The following FAN1 variants were observed in gnomAD, a reference collection of about 807,000 sequenced individuals.
The protein encoded by FAN1 is fanconi-associated nuclease 1.
Under a neutral mutation model 104.9 loss-of-function variants are expected in FAN1, and 91 were observed. The observed-to-expected ratio is 0.87, with a 90% confidence interval of 0.73 to 1.03. The LOEUF is 1.03. FAN1 is among the 50% of genes least tolerant of loss of function. FAN1 has a pLI of 0.00. For missense variants in FAN1, 1,263 were observed against 1,239.9 expected, an observed-to-expected ratio of 1.02 and a Z score of -0.28; for synonymous variants, 478 against 457.6, an observed-to-expected ratio of 1.04 and a Z score of -0.57.
In FAN1 at chr15:30,928,539, T is replaced by A. The variant is rs2062528680; in HGVS notation, c.2489-14T>A. On this transcript the variant is annotated splice_polypyrimidine_tract_variant and intron_variant, in intron 10 of 14. Coordinates refer to ENST00000362065, the MANE Select transcript of FAN1 (RefSeq NM_014967.5). ...GTGTGTGTGTGTGTGTGTGTGTGTGTGACCTTGTCTTAGGGATTCATGGCG... is the reference window on the plus strand; with the variant it reads ...GTGTGTGTGTGTGTGTGTGTGTGTGAGACCTTGTCTTAGGGATTCATGGCG... The A allele has an allele frequency of 1.9e-6, 3 of 1,611,208 alleles. No individual in the cohort carries two copies. The highest frequency in any genetic ancestry group is 1.7e-6 in the Non-Finnish European group (2 of 1,178,156).
At chr15:30,941,099 A>G in intron 14 of FAN1, 1 of 1,232,280 alleles carries the variant, frequency 8.1e-7, no homozygotes, top group South Asian at 1.4e-5. Flanking sequence ...AAATGACACG[A>G]AACACAAATT....
At chr15:30,928,452 T>C in intron 10 of FAN1, 101 bp from the exon 11 acceptor site, 1 of 1,521,318 alleles carries the variant, frequency 6.6e-7, no homozygotes, top group African/African-American at 1.4e-5. Flanking sequence ...TTTCTTGAAA[T>C]TGAGTGTGCA....
intron 12 of FAN1, 100 bp downstream of exon 12, chr15:30,929,497 T>C: frequency 2.8e-6 from 2 of 713,088 alleles, no homozygotes; most frequent in Non-Finnish European, 4.6e-6. Flanking sequence ...TGTGTATATG[T>C]AAATACATGT....
rs2062306381 is a variant in FAN1, at chr15:30,920,646, T to C, written c.2045T>C (p.Met682Thr). The C allele has an allele frequency of 1.3e-6, 2 of 1,597,226 alleles. No individual in the cohort carries two copies. The highest frequency in any genetic ancestry group is 1.7e-6 in the Non-Finnish European group (2 of 1,166,278). Residue 682 changes from methionine (M) to threonine (T), a missense_variant, in exon 7 of 15, where the codon ATG becomes ACG. Transcript: ENST00000362065. ...GTGGAAATACTGCAGAGACTTCACA[T>C]GTATGAGGTTAGAGCACAGGTCCCT... is the stretch of plus-strand genomic sequence containing the variant. ...RFVEILQRLH[M>T]YEEAVRELES...
At chr15:30,929,870 T>A (rs1467260839) in intron 12 of FAN1, among the ~76,000 whole-genome samples, 1 of 92,162 alleles carries the variant, frequency 1.1e-5, no homozygotes, top group Non-Finnish European at 1.9e-5. Flanking sequence ...ATAATATATA[T>A]AAAATATATA....
rs1320119560 is a variant in FAN1 at position 30,941,650 on chromosome 15, G to A, written c.*88G>A. 6.2e-7 allele frequency: 1 copy of A among 1,611,808 alleles called. No individual in the cohort carries two copies. Among genetic ancestry groups the A allele is most frequent in the Non-Finnish European group, 8.5e-7 (1 of 1,179,014 alleles). On this transcript the variant is annotated 3_prime_UTR_variant, in exon 15 of 15. Coordinates refer to ENST00000362065, the MANE Select transcript of FAN1 (RefSeq NM_014967.5). The stretch of plus-strand genomic sequence containing the variant: ...CGGTGTGGTGAGGGCCGCTGGCGTT[G>A]AAGTACATCCTGCTCTGGCCCAGCT...
intron 2 of FAN1, among the ~76,000 whole-genome samples, chr15:30,906,999 C>T (rs992307874): frequency 2.0e-5 from 3 of 151,460 alleles, no homozygotes; most frequent in Admixed American, 1.3e-4. Flanking sequence ...ATGCATGTGT[C>T]TTGCACTCCA....
At chr15:30,919,990 G>T (rs2062286334) in intron 6 of FAN1, among the ~76,000 whole-genome samples, 1 of 152,156 alleles carries the variant, frequency 6.6e-6, no homozygotes, top group African/African-American at 2.4e-5. Flanking sequence ...ATAAACAGAG[G>T]TTGATAAACT....
rs1279777654 is a variant in FAN1 at position 30,916,697 on chromosome 15, C to T, written c.1812-1467C>T. ...CCTTTTAAAATGTTTCTTATTCATT[C>T]AGTACAAATGAGTGTTGAGTACCTT... On this transcript the variant is annotated intron_variant, in intron 5 of 14. Transcript: ENST00000362065. Among the ~76,000 whole-genome samples the T allele has an allele frequency of 2.0e-5, 3 of 152,242 alleles. No homozygotes were observed. The East Asian group carries it at 5.8e-4, about 29-fold the overall frequency.
chr15:30,942,884 A>G lies in FAN1; in HGVS notation c.*1322A>G. 1 of 1,557,288 alleles carries G rather than the reference A, an allele frequency of 6.4e-7. No individual in the cohort carries two copies. Among genetic ancestry groups the G allele is most frequent in the Non-Finnish European group, 8.7e-7 (1 of 1,149,456 alleles). On this transcript the variant is annotated 3_prime_UTR_variant, in exon 15 of 15. Coordinates refer to ENST00000362065, the MANE Select transcript of FAN1 (RefSeq NM_014967.5). ...CCAACATCACGTTTTGTTAGCTGTGATTTACCTTTGTCCGTTTAAAAGACT... is the reference window on the plus strand; with the variant it reads ...CCAACATCACGTTTTGTTAGCTGTGGTTTACCTTTGTCCGTTTAAAAGACT...
intron 14 of FAN1, 88 bp from the exon 15 acceptor site, chr15:30,941,478 C>T (rs1566941991): frequency 1.2e-6 from 2 of 1,603,766 alleles, no homozygotes; most frequent in Admixed American, 1.7e-5. Context: ...TTTTAGTCTT[C>T]ATTTGCTAAT....
chr15:30,943,104 C>A lies in FAN1; in HGVS notation c.*1542C>A. 6.6e-7 allele frequency: 1 copy of A among 1,524,986 alleles called. No individual in the cohort carries two copies. The highest frequency in any genetic ancestry group is 8.8e-7 in the Non-Finnish European group (1 of 1,135,716). 94.5% of individuals were successfully genotyped at this position (1,524,986 alleles called of 1,614,324 possible). A position where few individuals can be genotyped will look rare whatever the true frequency, so the allele number is the denominator to read the frequency against. On this transcript the variant is annotated 3_prime_UTR_variant, in exon 15 of 15. Transcript: ENST00000362065. Reference sequence around the variant, plus strand: ...AATAAATAAATAAATATTTGCAAAACTAAAGATTCTCTCATGAATGCCTTT... The same window carrying A: ...AATAAATAAATAAATATTTGCAAAAATAAAGATTCTCTCATGAATGCCTTT...
In FAN1 at chr15:30,943,077, A is replaced by G; in HGVS notation, c.*1515A>G. 1 of 1,524,668 alleles carries G rather than the reference A, an allele frequency of 6.6e-7. No homozygotes were observed. The highest frequency in any genetic ancestry group is 8.8e-7 in the Non-Finnish European group (1 of 1,139,414). The allele number at this position is 1,524,668 out of a possible 1,614,324, so 94.4% of individuals were successfully genotyped here. ...GTTTTTGCTTATAGCAAATTCCTGC[A>G]AAATAAATAAATAAATATTTGCAAA... On this transcript the variant is annotated 3_prime_UTR_variant, in exon 15 of 15. Transcript: ENST00000362065.
At chr15:30,904,432 T>C (rs1176503189) in intron 1 of FAN1, 80 bp from the exon 2 acceptor site, 5 of 610,664 alleles carry the variant, frequency 8.2e-6, no homozygotes, top group Non-Finnish European at 1.4e-5. Context: ...GAGACCTTGC[T>C]CTTAAACGTT....
intron 4 of FAN1, chr15:30,911,453 T>C: frequency 1.0e-6 from 1 of 983,414 alleles, no homozygotes; most frequent in Non-Finnish European, 1.2e-6. Context: ...ATATTTGTTT[T>C]GTATATTTCA....
chr15:30,904,694 A>G lies in FAN1; in HGVS notation c.31A>G (p.Lys11Glu). 6.2e-7 allele frequency: 1 copy of G among 1,605,376 alleles called. No homozygotes were observed. Among genetic ancestry groups the G allele is most frequent in the Non-Finnish European group, 8.5e-7 (1 of 1,175,848 alleles). MMSEGKPPDK[K>E]RPRRSLSISK... ...GTCAGAAGGGAAACCTCCTGACAAA[A>G]AAAGGCCTCGTAGAAGCTTATCAAT... The change falls in exon 2 of 15, where the codon AAA (lysine) becomes GAA (glutamate). Residue 11 changes from lysine (K) to glutamate (E), a missense_variant. Coordinates refer to ENST00000362065, the MANE Select transcript of FAN1 (RefSeq NM_014967.5).
chr15:30,936,213 T>C (rs770802246), intron 13 of FAN1, among the ~76,000 whole-genome samples: 3 of 152,224 alleles, frequency 2.0e-5, no homozygotes, highest in South Asian at 2.1e-4. Flanking sequence ...TTTTATCTTA[T>C]GAATGCCATG....
chr15:30,911,786 G>C (rs970805653), intron 4 of FAN1: 11 of 921,474 alleles, frequency 1.2e-5, no homozygotes, highest in Non-Finnish European at 1.4e-5. Context: ...CCCTCTGGCT[G>C]GGCACAGTGG....
At position 30,930,672 on chromosome 15, in the gene FAN1, G is replaced by C. The variant is rs2062686953; in HGVS notation, c.2916+1G>C. 6.2e-7 allele frequency: 1 copy of C among 1,612,802 alleles called. No individual in the cohort carries two copies. Among genetic ancestry groups the C allele is most frequent in the African/African-American group, 1.3e-5 (1 of 75,008 alleles). ...GAACTCCCAGAGCCGTCACTTTAAGGTCAGTTGAGGCAGAATGGAAAGTCC... is the reference window on the plus strand; with the variant it reads ...GAACTCCCAGAGCCGTCACTTTAAGCTCAGTTGAGGCAGAATGGAAAGTCC... On this transcript the variant is annotated splice_donor_variant, in intron 13 of 14. Transcript: ENST00000362065. LOFTEE classifies it high-confidence loss of function.
Sources: gnomAD v4.1 joint callset for allele counts (sites outside exome capture counted in the v4.1 genomes callset) on GRCh38, gnomAD v4.1.1 for gene constraint, MANE v1.5 for transcripts, NCBI Gene and HGNC (gene_info 2026-07-23, HGNC 2026-07-21) for gene names.